LRP1B: variants seen among roughly 807,000 people sequenced by gnomAD.
LRP1B encodes the protein LDL receptor related protein 1B.
In LRP1B, 217 loss-of-function variants were observed where a neutral mutation model predicts 556.6. The observed-to-expected ratio is 0.39, with a 90% confidence interval of 0.35 to 0.44. The LOEUF (loss-of-function observed/expected upper bound fraction) is 0.44. LRP1B is among the 20% of genes least tolerant of loss of function. The probability of loss-of-function intolerance (pLI) is 1.00; values close to 1 mark genes in which losing one functional copy is unlikely to be tolerated. For synonymous variants in LRP1B, 2,047 were observed against 1,865.8 expected, an observed-to-expected ratio of 1.10 and a Z score of -2.50; for missense variants, 5,053 against 5,620.8, an observed-to-expected ratio of 0.90 and a Z score of 3.23.
At chr2:141,923,475 T>TA (rs1161757397) in intron 1 of LRP1B, among the ~76,000 whole-genome samples, 2 of 123,824 alleles carry the variant, frequency 1.6e-5, no homozygotes, top group Non-Finnish European at 1.8e-5. Context: ...TGTGTGTGTG[T>TA]GTGTGTGTGT....
chr2:141,357,118 C>A (rs956809860), intron 3 of LRP1B, among the ~76,000 whole-genome samples: 1 of 151,614 alleles, frequency 6.6e-6, no homozygotes, highest in Non-Finnish European at 1.5e-5. Flanking sequence ...TGCAGTGGTG[C>A]GATCTTGGCT....
intron 29 of LRP1B, among the ~76,000 whole-genome samples, chr2:140,842,637 C>T (rs923358627): frequency 4.6e-5 from 7 of 152,032 alleles, no homozygotes; most frequent in African/African-American, 1.7e-4. Flanking sequence ...TAATATACCA[C>T]CTCCTTAAAG....
chr2:141,776,696 G>C (rs1209751412), intron 2 of LRP1B, among the ~76,000 whole-genome samples: 2 of 152,178 alleles, frequency 1.3e-5, no homozygotes, highest in Non-Finnish European at 1.5e-5. Flanking sequence ...CTAGCTATGT[G>C]ATTTAAGCAT....
At chr2:140,674,105 C>T (rs574803721) in intron 41 of LRP1B, among the ~76,000 whole-genome samples, 7 of 151,902 alleles carry the variant, frequency 4.6e-5, no homozygotes, top group East Asian at 2.0e-4. Context: ...CCCACCACCA[C>T]GCCTGGCTAA....
chr2:140,384,272 T>G (rs1424876097), intron 67 of LRP1B, among the ~76,000 whole-genome samples: 1 of 152,188 alleles, frequency 6.6e-6, no homozygotes, highest in Non-Finnish European at 1.5e-5. Flanking sequence ...AAAGAAAAGC[T>G]AAGTAGATAT....
rs375980650 is a variant in LRP1B, at chr2:141,365,962, C to T, written c.344-111321G>A. ...TGCCAGGATTACAGGCATGCGCCAC[C>T]GCACCCGGCCAACAAGTTCTAATTT... On this transcript the variant is annotated intron_variant, in intron 3 of 90. Transcript: ENST00000389484. 1.2e-3 allele frequency among the ~76,000 whole-genome samples: 189 copies of T among 152,200 alleles called. 1 individual carries two copies. Among genetic ancestry groups the T allele is most frequent in the African/African-American group, 4.0e-3 (168 of 41,540 alleles).
intron 1 of LRP1B, among the ~76,000 whole-genome samples, chr2:141,822,124 C>G (rs868710013): frequency 0.21 from 23,015 of 108,786 alleles, 2,205 homozygotes; most frequent in African/African-American, 0.27. Context: ...CACACACACA[C>G]ACACACAGAG....
chr2:141,789,225 G>A (rs1695527207), intron 2 of LRP1B, among the ~76,000 whole-genome samples: 1 of 151,956 alleles, frequency 6.6e-6, no homozygotes, highest in South Asian at 2.1e-4. Flanking sequence ...TGTTTTATAG[G>A]AGGGGGGTGT....
chr2:142,115,430 T>TAAAA lies in LRP1B; in HGVS notation c.82+15214_82+15217dup, dbSNP rs1209501887. ...TAGTACTAGATTATATCACAAAAAA[T>TAAAA]AAAATAAAATATCTGTGAGTCTATA... On this transcript the variant is annotated intron_variant, in intron 1 of 90. Transcript: ENST00000389484. Among the ~76,000 whole-genome samples, 43 of 131,748 alleles carry TAAAA rather than the reference T, an allele frequency of 3.3e-4. No individual in the cohort carries two copies. The East Asian group carries it at 8.5e-3, about 26-fold the overall frequency. 86.4% of individuals were successfully genotyped at this position (131,748 alleles called of 152,430 possible).
intron 2 of LRP1B, among the ~76,000 whole-genome samples, chr2:141,487,473 T>C (rs1032906490): frequency 1.3e-5 from 2 of 152,206 alleles, no homozygotes; most frequent in South Asian, 2.1e-4. Context: ...GAACAGATTC[T>C]ACAAATGCTA....
At chr2:141,986,447 G>C (rs766796398) in intron 1 of LRP1B, among the ~76,000 whole-genome samples, 23 of 151,888 alleles carry the variant, frequency 1.5e-4, no homozygotes, top group Non-Finnish European at 2.8e-4. Context: ...GAGTATCAGA[G>C]ACAAGAACAG....
intron 7 of LRP1B, among the ~76,000 whole-genome samples, chr2:141,164,302 C>T (rs12613639): frequency 0.66 from 99,935 of 151,730 alleles, 33,291 homozygotes; most frequent in Middle Eastern, 0.8. Flanking sequence ...TTTGACTCTA[C>T]GGTAATAAAA....
At chr2:140,653,775 A>G (rs1189868241) in intron 41 of LRP1B, among the ~76,000 whole-genome samples, 1 of 152,070 alleles carries the variant, frequency 6.6e-6, no homozygotes, top group African/African-American at 2.4e-5. Flanking sequence ...CTGTAATCCC[A>G]GAACTTTGGG....
intron 2 of LRP1B, among the ~76,000 whole-genome samples, chr2:141,592,158 C>A (rs1481901559): frequency 6.6e-6 from 1 of 152,086 alleles, no homozygotes; most frequent in Non-Finnish European, 1.5e-5. Flanking sequence ...TTTTTCCATA[C>A]TTATTGTTTA....
At chr2:140,540,596 GCTA>G (rs1449637230) in intron 45 of LRP1B, among the ~76,000 whole-genome samples, 1 of 152,010 alleles carries the variant, frequency 6.6e-6, no homozygotes, top group Non-Finnish European at 1.5e-5. Flanking sequence ...TTACTGCAAG[GCTA>G]CTGATATACT....
chr2:141,160,243 G>A (rs969605490), intron 7 of LRP1B, among the ~76,000 whole-genome samples: 1 of 152,054 alleles, frequency 6.6e-6, no homozygotes, highest in Non-Finnish European at 1.5e-5. Flanking sequence ...AATTGCTAAA[G>A]TAAAAATTAC....
At chr2:141,250,475 G>C (rs980630223) in intron 4 of LRP1B, among the ~76,000 whole-genome samples, 2 of 152,086 alleles carry the variant, frequency 1.3e-5, no homozygotes. Context: ...GCCTAGAGAG[G>C]GCATAGAAGC....
intron 66 of LRP1B, among the ~76,000 whole-genome samples, chr2:140,431,880 C>A (rs913318033): frequency 2.4e-4 from 36 of 152,136 alleles, no homozygotes; most frequent in Admixed American, 2.1e-3. Flanking sequence ...CTCGAAGCAG[C>A]CCTGAGAAAC....
chr2:141,819,073 T>C (rs1696666028), intron 1 of LRP1B, among the ~76,000 whole-genome samples: 1 of 145,212 alleles, frequency 6.9e-6, no homozygotes, highest in African/African-American at 2.6e-5. Context: ...ACCCCACCTC[T>C]ACTAAAAATT....
Sources: gnomAD v4.1 joint callset for allele counts (sites outside exome capture counted in the v4.1 genomes callset) on GRCh38, gnomAD v4.1.1 for gene constraint, MANE v1.5 for transcripts, NCBI Gene and HGNC (gene_info 2026-07-23, HGNC 2026-07-21) for gene names.